Variants in ANKRD11 observed in about 807,000 individuals in gnomAD.
The protein encoded by ANKRD11 is ankyrin repeat domain-containing protein 11.
In ANKRD11, 17 loss-of-function variants were observed where a neutral mutation model predicts 195.7. The ratio of observed to expected loss-of-function variants is 0.09; its 90% confidence interval spans 0.06 to 0.13. The LOEUF is 0.13. Among genes scored for constraint, ANKRD11 ranks in the 10% least tolerant of loss-of-function variants. ANKRD11 has a pLI of 1.00. For missense variants in ANKRD11, 3,735 were observed against 3,566.1 expected (o/e 1.05, Z -1.21); for synonymous variants, 1,953 against 1,528.1 (o/e 1.28, Z -6.49).
chr16:89,343,609 C>G (rs1644959817), intron 2 of ANKRD11: 1 of 152,208 alleles, frequency 6.6e-6, no homozygotes, highest in African/African-American at 2.4e-5. Flanking sequence ...CGTTCAGAAC[C>G]TCACCCCAGT....
chr16:89,288,906 C>T, intron 6 of ANKRD11: 1 of 610,580 alleles, frequency 1.6e-6, no homozygotes, highest in Non-Finnish European at 2.9e-6. Context: ...TACGGACTGA[C>T]AACCTGCAGG....
intron 2 of ANKRD11, among the ~76,000 whole-genome samples, chr16:89,337,641 C>T (rs560950637): frequency 2.0e-5 from 3 of 151,904 alleles, no homozygotes; most frequent in South Asian, 4.2e-4. Context: ...GGGGTTTCAC[C>T]GTGTTAGCCA....
intron 1 of ANKRD11, among the ~76,000 whole-genome samples, chr16:89,454,004 C>T (rs114902859): frequency 1.2e-3 from 180 of 152,258 alleles, no homozygotes; most frequent in African/African-American, 4.2e-3. Context: ...TCTGAGTGGA[C>T]CTACATGGAG....
At chr16:89,442,475 C>A (rs990823105) in intron 1 of ANKRD11, among the ~76,000 whole-genome samples, 1 of 152,138 alleles carries the variant, frequency 6.6e-6, no homozygotes, top group Non-Finnish European at 1.5e-5. Context: ...CCACAAACGC[C>A]CCTTTATGCA....
intron 2 of ANKRD11, chr16:89,403,845 A>G (rs888192286): frequency 5.3e-5 from 8 of 152,180 alleles, no homozygotes; most frequent in African/African-American, 1.7e-4. Flanking sequence ...AGGAAGGGGC[A>G]TCATTTCAGT....
intron 1 of ANKRD11, among the ~76,000 whole-genome samples, chr16:89,456,378 G>C (rs2056436958): frequency 6.6e-6 from 1 of 151,446 alleles, no homozygotes; most frequent in Admixed American, 6.6e-5. Context: ...GAAAAACCCT[G>C]TCTCTACTAA....
intron 1 of ANKRD11, among the ~76,000 whole-genome samples, chr16:89,469,862 GAC>G (rs2057015933): frequency 6.7e-6 from 1 of 149,668 alleles, no homozygotes; most frequent in South Asian, 2.1e-4. Flanking sequence ...CGCGCCCGGA[GAC>G]AGAGTGAGGC....
At position 89,435,652 on chromosome 16, in the gene ANKRD11, G is replaced by A. The variant is rs567173944; in HGVS notation, c.-144-17284C>T. Among the ~76,000 whole-genome samples, 12 of 152,020 alleles carry A rather than the reference G, an allele frequency of 7.9e-5. No homozygotes were observed. In the South Asian group the frequency reaches 1.9e-3, roughly 24 times the overall value. On this transcript the variant is annotated intron_variant, in intron 1 of 12. Coordinates refer to ENST00000301030, the MANE Select transcript of ANKRD11 (RefSeq NM_013275.6). Reference sequence around the variant, plus strand: ...CCACAGCTTCATTCTTGAAGTCAGCGAGACCGAGAACCCACCGGAAGGAAC... The same window carrying A: ...CCACAGCTTCATTCTTGAAGTCAGCAAGACCGAGAACCCACCGGAAGGAAC...
At chr16:89,367,343 C>G (rs549188738) in intron 2 of ANKRD11, among the ~76,000 whole-genome samples, 2 of 152,360 alleles carry the variant, frequency 1.3e-5, no homozygotes, top group East Asian at 3.9e-4. Flanking sequence ...ACAGTGGCGG[C>G]GCCCAGAGCG....
In ANKRD11 at chr16:89,268,544, G is replaced by C; in HGVS notation, c.7926C>G (p.Asn2642Lys). Residue 2642 changes from asparagine (N) to lysine (K), a missense_variant, in exon 13 of 13, where the codon AAC becomes AAG. By Grantham distance (94) the Asn-to-Lys change is moderately conservative. Transcript: ENST00000301030. ...TGGGCACGTAGAAGGAGGGCACCTC[G>C]TTCACGCACAGGGACTTGTGCCCGG... is the stretch of plus-strand genomic sequence containing the variant. ...DPAGHKSLCV[N>K]EVPSFYVPMV... 1 of 1,491,006 alleles carries C rather than the reference G, an allele frequency of 6.7e-7. No homozygotes were observed. Among genetic ancestry groups the C allele is most frequent in the Non-Finnish European group, 9.1e-7 (1 of 1,094,316 alleles). The allele number at this position is 1,491,006 out of a possible 1,614,324, so 92.4% of individuals were successfully genotyped here.
intron 1 of ANKRD11, among the ~76,000 whole-genome samples, chr16:89,435,669 G>A (rs190862521): frequency 6.6e-5 from 10 of 151,870 alleles, no homozygotes; most frequent in African/African-American, 1.7e-4. Context: ...AGAACCCACC[G>A]GAAGGAACCA....
chr16:89,281,984 C>G lies in ANKRD11; in HGVS notation c.4558G>C (p.Asp1520His). Residue 1520 changes from aspartate to histidine, a missense_variant, in exon 9 of 13, where the codon GAC becomes CAC. Asp to His is a moderately conservative substitution (Grantham distance 81). Transcript: ENST00000301030. The surrounding 1 kb of genome is among the most constrained non-coding windows in gnomAD (Gnocchi z 5.5). ...GCATCGCCGAGCCTCGGGCCCTCGTCCCTGGACTTGTCTTTGAGCACGCGG... is the reference window on the plus strand; with the variant it reads ...GCATCGCCGAGCCTCGGGCCCTCGTGCCTGGACTTGTCTTTGAGCACGCGG... Reference protein sequence around the residue: ...PPRVLKDKSRDEGPRLGDAKL... With the variant: ...PPRVLKDKSRHEGPRLGDAKL... 1 of 1,613,162 alleles carries G rather than the reference C, an allele frequency of 6.2e-7. No individual in the cohort carries two copies. Among genetic ancestry groups the G allele is most frequent in the Non-Finnish European group, 8.5e-7 (1 of 1,180,050 alleles).
chr16:89,305,237 G>A lies in ANKRD11; in HGVS notation c.195C>T (p.Gly65=), dbSNP rs368375632. 2.0e-5 allele frequency: 33 copies of A among 1,613,494 alleles called. No individual in the cohort carries two copies. Among genetic ancestry groups the A allele is most frequent in the African/African-American group, 1.3e-4 (10 of 74,912 alleles). ...CCGAGTCCTTCTGCTCCCCATTGGC[G>A]CCCGCGGTGAAGGGCAGCTTCCGCT... ...ASKRKLPFTA[G]ANGEQKDSDT... The change falls in exon 4 of 13, where the codon GGC becomes GGT. Residue 65 remains glycine, a synonymous_variant. Transcript: ENST00000301030.
chr16:89,443,787 C>G (rs2043643790), intron 1 of ANKRD11, among the ~76,000 whole-genome samples: 2 of 152,160 alleles, frequency 1.3e-5, no homozygotes, highest in African/African-American at 2.4e-5. Context: ...GACCCATGAC[C>G]AAGATGCATT....
At chr16:89,396,516 T>C (rs1045765004) in intron 2 of ANKRD11, among the ~76,000 whole-genome samples, 10 of 152,190 alleles carry the variant, frequency 6.6e-5, no homozygotes, top group Non-Finnish European at 1.3e-4. Flanking sequence ...TTATTAAAAA[T>C]ATGCTTCCAT....
In ANKRD11 at chr16:89,343,331, A is replaced by G. The variant is rs2038783945; in HGVS notation, c.-59-26253T>C. On this transcript the variant is annotated intron_variant, in intron 2 of 12. Transcript: ENST00000301030. Reference sequence around the variant, plus strand: ...TAAAAAGCAATACCTGTGTTCCCAAAAACAGAAAAATTGACATTTAGTTAT... The same window carrying G: ...TAAAAAGCAATACCTGTGTTCCCAAGAACAGAAAAATTGACATTTAGTTAT... Among the ~76,000 whole-genome samples, 5 of 152,350 alleles carry G rather than the reference A, an allele frequency of 3.3e-5. No homozygotes were observed. In the South Asian group the frequency reaches 1.0e-3, roughly 32 times the overall value.
At chr16:89,368,867 T>C (rs2040068935) in intron 2 of ANKRD11, among the ~76,000 whole-genome samples, 1 of 152,030 alleles carries the variant, frequency 6.6e-6, no homozygotes, top group African/African-American at 2.4e-5. Context: ...GCCACTGCAC[T>C]CAAATCTAGG....
At chr16:89,365,411 T>A (rs2039902422) in intron 2 of ANKRD11, among the ~76,000 whole-genome samples, 2 of 152,008 alleles carry the variant, frequency 1.3e-5, no homozygotes, top group African/African-American at 4.8e-5. Flanking sequence ...CACACAAGAG[T>A]GAGAGCCACT....
rs141799001 is a variant in ANKRD11 at position 89,285,255 on chromosome 16, C to A, written c.1287G>T (p.Ser429=). The part of the protein sequence containing the change: ...TVGTGEKLRL[S]AHTILPGSKT... ...TACTACCAGGCAATATCGTATGTGC[C>A]GAGAGTCTCAGCTTCTCTCCTGTCC... The change falls in exon 9 of 13, where the codon TCG becomes TCT. Residue 429 remains serine (S), a synonymous_variant. Transcript: ENST00000301030. The surrounding 1 kb of genome is among the most constrained non-coding windows in gnomAD (Gnocchi z 5.6). 1 of 1,613,524 alleles carries A rather than the reference C, an allele frequency of 6.2e-7. No individual in the cohort carries two copies. The highest frequency in any genetic ancestry group is 1.3e-5 in the African/African-American group (1 of 74,866).
Sources: allele counts gnomAD v4.1 joint callset (sites outside exome capture counted in the v4.1 genomes callset), GRCh38; gene constraint gnomAD v4.1.1; non-coding constraint Gnocchi (gnomAD v3.1); transcripts MANE v1.5; gene names NCBI Gene and HGNC (gene_info 2026-07-23, HGNC 2026-07-21).